Variants in UBAP2 observed in about 807,000 individuals in gnomAD.
UBAP2 encodes the protein ubiquitin associated protein 2.
Under a neutral mutation model 139.6 loss-of-function variants are expected in UBAP2, and 75 were observed. The observed-to-expected ratio is 0.54, with a 90% CI of 0.45 to 0.65. The LOEUF (loss-of-function observed/expected upper bound fraction) is 0.65, where lower values mean the gene tolerates loss of function less well. Ranked by LOEUF, UBAP2 falls within the 30% of genes least tolerant of loss-of-function variation. The pLI is 0.00. For synonymous variants in UBAP2, 526 were observed against 526.2 expected, an observed-to-expected ratio of 1.00 and a Z score of 0.01; for missense variants, 1,368 against 1,369.6, an observed-to-expected ratio of 1.00 and a Z score of 0.02.
chr9:33,998,425 T>C (rs1017791746), intron 3 of UBAP2: 2 of 171,888 alleles, frequency 1.2e-5, no homozygotes, highest in Non-Finnish European at 2.5e-5. Flanking sequence ...TTAAAGGTAA[T>C]TCAGTTCATC....
chr9:34,035,514 A>AAAATATATATATATATAT lies in UBAP2; in HGVS notation c.-42+13310_-42+13311insATATATATATATATATTT. The stretch of plus-strand genomic sequence containing the variant: ...GAGACTCCATCTAAAAAAAAAAAAA[A>AAAATATATATATATATAT]ATATATATATATAAAGATTAGCCAG... On this transcript the variant is annotated intron_variant, in intron 1 of 28. Transcript: ENST00000379238. 6.1e-3 allele frequency among the ~76,000 whole-genome samples: 137 copies of AAAATATATATATATATAT among 22,482 alleles called. 12 individuals carry two copies. Among genetic ancestry groups the AAAATATATATATATATAT allele is most frequent in the South Asian group, 0.013 (13 of 1,032 alleles). The allele number at this position is 22,482 out of a possible 152,430, so 14.7% of individuals were successfully genotyped here.
At chr9:33,944,064 C>G (rs1825458932) in intron 14 of UBAP2, among the ~76,000 whole-genome samples, 1 of 152,124 alleles carries the variant, frequency 6.6e-6, no homozygotes, top group Admixed American at 6.6e-5. Context: ...GAAAGTATCA[C>G]CTGGTCAAGG....
At chr9:33,971,258 A>G (rs1043063126) in intron 8 of UBAP2, among the ~76,000 whole-genome samples, 4 of 152,222 alleles carry the variant, frequency 2.6e-5, no homozygotes, top group African/African-American at 4.8e-5. Flanking sequence ...AAACCCATCT[A>G]TCATCTACCA....
At chr9:34,024,558 G>A (rs1825244529) in intron 1 of UBAP2, among the ~76,000 whole-genome samples, 1 of 152,106 alleles carries the variant, frequency 6.6e-6, no homozygotes, top group Admixed American at 6.6e-5. Flanking sequence ...TTCCAGAGAT[G>A]AAACAGGTTT....
At chr9:33,967,349 G>C (rs1026567644) in intron 8 of UBAP2, among the ~76,000 whole-genome samples, 1 of 152,136 alleles carries the variant, frequency 6.6e-6, no homozygotes, top group Non-Finnish European at 1.5e-5. Context: ...AGGACCTCCA[G>C]TACAGTGTGA....
chr9:34,001,631 T>C (rs1822710963), intron 2 of UBAP2, among the ~76,000 whole-genome samples: 1 of 152,216 alleles, frequency 6.6e-6, no homozygotes, highest in South Asian at 2.1e-4. Flanking sequence ...TAGTTGGGTA[T>C]GACAAGATAA....
chr9:33,971,208 C>A (rs757936725), intron 8 of UBAP2, among the ~76,000 whole-genome samples: 3 of 152,162 alleles, frequency 2.0e-5, no homozygotes, highest in Non-Finnish European at 4.4e-5. Flanking sequence ...AATCCAGAAA[C>A]AGCATGATAC....
intron 1 of UBAP2, among the ~76,000 whole-genome samples, chr9:34,038,031 C>T (rs1042473638): frequency 2.7e-5 from 4 of 146,028 alleles, no homozygotes; most frequent in Non-Finnish European, 6.0e-5. Flanking sequence ...TAGCTAGGCA[C>T]GGTGGCACAA....
rs780426717 is a variant in UBAP2 at position 33,927,072 on chromosome 9, G to C, written c.2380C>G (p.Pro794Ala). 25 of 1,611,966 alleles carry C rather than the reference G, an allele frequency of 1.6e-5. No homozygotes were observed. In the South Asian group the frequency reaches 2.8e-4, roughly 18 times the overall value. ...AAPLVTSGKA[P>A]PNLPQGVPPL... ...GGCACCCCCTGAGGTAAGTTTGGGGGTGCTTTGCCTGTATAGAGGGAAAAA... is the reference window on the plus strand; with the variant it reads ...GGCACCCCCTGAGGTAAGTTTGGGGCTGCTTTGCCTGTATAGAGGGAAAAA... The change falls in exon 21 of 29, where the codon CCC becomes GCC. Residue 794 changes from proline (P) to alanine (A), a missense_variant. Physicochemically the swap from Pro to Ala is conservative, Grantham distance 27 (BLOSUM62 -1). Coordinates refer to ENST00000379238, the MANE Select transcript of UBAP2 (RefSeq NM_001370062.2).
chr9:33,945,409 C>T (rs1825580700), intron 13 of UBAP2, among the ~76,000 whole-genome samples: 1 of 151,722 alleles, frequency 6.6e-6, no homozygotes, highest in South Asian at 2.1e-4. Context: ...TGAGGCAGGC[C>T]CTATGACGTG....
In UBAP2 at chr9:33,939,189, C is replaced by CTTTTT. The variant is rs72150705; in HGVS notation, c.1929+2455_1929+2459dup. 2.0e-3 allele frequency among the ~76,000 whole-genome samples: 157 copies of CTTTTT among 78,574 alleles called. 3 individuals are homozygous for CTTTTT. Among genetic ancestry groups the CTTTTT allele is most frequent in the African/African-American group, 2.7e-3 (53 of 19,938 alleles). 51.5% of individuals were successfully genotyped at this position (78,574 alleles called of 152,430 possible). A position where few individuals can be genotyped will look rare whatever the true frequency, so the allele number is the denominator to read the frequency against. On this transcript the variant is annotated intron_variant, in intron 16 of 28. Transcript: ENST00000379238. ...AATAACATTATTTGATTTCCTATGT[C>CTTTTT]TTTTTTTTTTTTTTTTTTTTTTGAG...
At chr9:33,976,127 C>T (rs549403339) in intron 6 of UBAP2, among the ~76,000 whole-genome samples, 46 of 152,152 alleles carry the variant, frequency 3.0e-4, no homozygotes, top group African/African-American at 1.0e-3. Flanking sequence ...CTGTGACTTA[C>T]AAGAATGTTA....
In UBAP2 at chr9:34,023,118, C is replaced by T. The variant is rs553974888; in HGVS notation, c.-41-5929G>A. ...GCACGCGCCTGTAGTCCCAGCTACTCGGGAGGCTGAGGCAGAAGAATCGCT... is the reference window on the plus strand; with the variant it reads ...GCACGCGCCTGTAGTCCCAGCTACTTGGGAGGCTGAGGCAGAAGAATCGCT... On this transcript the variant is annotated intron_variant, in intron 1 of 28. Coordinates refer to ENST00000379238, the MANE Select transcript of UBAP2 (RefSeq NM_001370062.2). Among the ~76,000 whole-genome samples, 3 of 150,964 alleles carry T rather than the reference C, an allele frequency of 2.0e-5. No individual in the cohort carries two copies. The South Asian group carries it at 6.3e-4, about 32-fold the overall frequency.
intron 8 of UBAP2, among the ~76,000 whole-genome samples, chr9:33,967,655 C>T (rs943812208): frequency 6.6e-6 from 1 of 152,174 alleles, no homozygotes; most frequent in Non-Finnish European, 1.5e-5. Context: ...GATCAGCCAT[C>T]TAGAATTCTC....
intron 2 of UBAP2, among the ~76,000 whole-genome samples, chr9:34,002,330 A>G (rs748142548): frequency 6.6e-6 from 1 of 151,712 alleles, no homozygotes. Context: ...TTTATTATGA[A>G]TATCTATATC....
chr9:34,047,167 G>A (rs1827676182), intron 1 of UBAP2, among the ~76,000 whole-genome samples: 1 of 152,152 alleles, frequency 6.6e-6, no homozygotes, highest in Non-Finnish European at 1.5e-5. Flanking sequence ...TATTGAGGGT[G>A]AGAGGCAACA....
chr9:33,975,500 G>C (rs550107545), intron 6 of UBAP2, among the ~76,000 whole-genome samples: 1 of 149,804 alleles, frequency 6.7e-6, no homozygotes, highest in Admixed American at 6.7e-5. Context: ...TGCACTGCTG[G>C]TAAAAACGTA....
chr9:34,010,563 G>T (rs1823671220), intron 2 of UBAP2, among the ~76,000 whole-genome samples: 1 of 151,804 alleles, frequency 6.6e-6, no homozygotes, highest in Non-Finnish European at 1.5e-5. Flanking sequence ...TAAAATAATG[G>T]CTGGCTAAAC....
chr9:33,995,491 TTAAA>T (rs1160253367), intron 4 of UBAP2: 1 of 134,920 alleles, frequency 7.4e-6, no homozygotes, highest in Non-Finnish European at 1.5e-5. Flanking sequence ...ATTTATATTA[TTAAA>T]TATATATATT....
Sources: allele counts gnomAD v4.1 joint callset (sites outside exome capture counted in the v4.1 genomes callset), GRCh38; gene constraint gnomAD v4.1.1; transcripts MANE v1.5; gene names NCBI Gene and HGNC (gene_info 2026-07-23, HGNC 2026-07-21).